FRMD3: variants seen among roughly 807,000 people sequenced by gnomAD.
FRMD3 encodes FERM domain-containing protein 3.
A neutral mutation model predicts 70.2 loss-of-function variants in FRMD3; 33 were observed. That is an observed-to-expected ratio of 0.47 (90% CI 0.36 to 0.63). The LOEUF (loss-of-function observed/expected upper bound fraction) is 0.63. FRMD3 is among the 20% of genes least tolerant of loss of function. The pLI is 0.00. For synonymous variants in FRMD3, 279 were observed against 255.9 expected (o/e 1.09, Z -0.86); for missense variants, 632 against 711.4 (o/e 0.89, Z 1.27).
intron 1 of FRMD3, among the ~76,000 whole-genome samples, chr9:83,402,244 A>G (rs1385720199): frequency 2.0e-5 from 3 of 149,048 alleles, no homozygotes; most frequent in African/African-American, 7.5e-5. Context: ...TTAACGCCCC[A>G]GGAGCCTAAC....
Position 83,244,774 on chromosome 9 carries a change from A to G in FRMD3, c.*3144T>C. The G allele has an allele frequency of 1.0e-6, 1 of 985,364 alleles. No homozygotes were observed. Among genetic ancestry groups the G allele is most frequent in the Non-Finnish European group, 1.2e-6 (1 of 829,838 alleles). 61.0% of individuals were successfully genotyped at this position (985,364 alleles called of 1,614,324 possible). A position where few individuals can be genotyped will look rare whatever the true frequency, so the allele number is the denominator to read the frequency against. ...CCCATATCTCTAGTATTTCAATGAA[A>G]TAAACTCATTGTGAATTCACCCCGA... On this transcript the variant is annotated 3_prime_UTR_variant, in exon 14 of 14. Coordinates refer to ENST00000304195, the MANE Select transcript of FRMD3 (RefSeq NM_174938.6).
intron 1 of FRMD3, among the ~76,000 whole-genome samples, chr9:83,490,343 GC>G (rs33965404): frequency 0.15 from 23,493 of 151,960 alleles, 2,109 homozygotes; most frequent in East Asian, 0.33. Flanking sequence ...AGGGTGGAGT[GC>G]CAATGGCACT....
At chr9:83,432,189 C>T (rs1827001245) in intron 1 of FRMD3, among the ~76,000 whole-genome samples, 1 of 152,224 alleles carries the variant, frequency 6.6e-6, no homozygotes, top group South Asian at 2.1e-4. Context: ...GATGCCTAGC[C>T]TTGTCCCAGG....
chr9:83,572,707 G>C, the FRMD3 span, among the ~76,000 whole-genome samples: 1 of 152,190 alleles, frequency 6.6e-6, no homozygotes, highest in Admixed American at 6.5e-5. Flanking sequence ...TTCCAGCCTG[G>C]TTCAGCAGCA....
intron 10 of FRMD3, 118 bp downstream of exon 10, chr9:83,309,418 A>C: frequency 1.6e-6 from 1 of 634,708 alleles, no homozygotes; most frequent in South Asian, 2.5e-5. Flanking sequence ...ATTTTAATTT[A>C]CTTAAATATA....
At chr9:83,332,041 G>T in intron 6 of FRMD3, 1 of 628,708 alleles carries the variant, frequency 1.6e-6, no homozygotes, top group East Asian at 2.8e-5. Context: ...GACAATGGTG[G>T]GCGGAGCCCC....
chr9:83,491,246 G>A (rs370046540), intron 1 of FRMD3, among the ~76,000 whole-genome samples: 2 of 152,084 alleles, frequency 1.3e-5, no homozygotes, highest in South Asian at 2.1e-4. Context: ...TCAGTAATTC[G>A]TTTTCTGTTC....
At chr9:83,447,093 G>A (rs1039264331) in intron 1 of FRMD3, among the ~76,000 whole-genome samples, 4 of 152,050 alleles carry the variant, frequency 2.6e-5, no homozygotes, top group East Asian at 1.9e-4. Flanking sequence ...GCGCCATCTC[G>A]GCTCACTGCA....
At chr9:83,321,771 G>T (rs1835811444) in intron 6 of FRMD3, among the ~76,000 whole-genome samples, 2 of 152,048 alleles carry the variant, frequency 1.3e-5, no homozygotes, top group African/African-American at 4.8e-5. Flanking sequence ...ACTGTGAGTG[G>T]GGTGTTGAAC....
At chr9:83,581,389 G>C in the FRMD3 span, among the ~76,000 whole-genome samples, 2 of 152,166 alleles carry the variant, frequency 1.3e-5, no homozygotes, top group African/African-American at 4.8e-5. Context: ...TAATCATTGA[G>C]GAAATGCAAA....
At chr9:83,318,928 T>G (rs1484670188) in intron 6 of FRMD3, among the ~76,000 whole-genome samples, 1 of 152,202 alleles carries the variant, frequency 6.6e-6, no homozygotes, top group Non-Finnish European at 1.5e-5. Context: ...TCATGTTTCT[T>G]GGCCACTTGG....
At chr9:83,450,389 G>A (rs1827619816) in intron 1 of FRMD3, among the ~76,000 whole-genome samples, 1 of 134,884 alleles carries the variant, frequency 7.4e-6, no homozygotes, top group Non-Finnish European at 1.6e-5. Flanking sequence ...CTAAGTTTTA[G>A]GGTACATGTG....
At chr9:83,564,634 T>C in the FRMD3 span, among the ~76,000 whole-genome samples, 1 of 152,184 alleles carries the variant, frequency 6.6e-6, no homozygotes, top group South Asian at 2.1e-4. Flanking sequence ...TGTTGTGATG[T>C]GGTCCATGTT....
intron 13 of FRMD3, among the ~76,000 whole-genome samples, chr9:83,284,419 C>T (rs1158815609): frequency 6.6e-6 from 1 of 152,106 alleles, no homozygotes; most frequent in Admixed American, 6.5e-5. Context: ...ACCACCCTGG[C>T]CAACGTGGTG....
At chr9:83,243,545 C>G (rs6559715), downstream of FRMD3, among the ~76,000 whole-genome samples, 104,518 of 152,052 alleles carry the variant, frequency 0.69, 38,766 homozygotes, top group East Asian at 0.96. Context: ...AAGTGGCCAA[C>G]CGCCATTTTG....
chr9:83,504,214 C>G, intron 1 of FRMD3, among the ~76,000 whole-genome samples: 1 of 152,166 alleles, frequency 6.6e-6, no homozygotes, highest in East Asian at 1.9e-4. Flanking sequence ...ACGGAAAGCA[C>G]CACCAATGAC....
chr9:83,260,100 T>A (rs1832915235), intron 13 of FRMD3, among the ~76,000 whole-genome samples: 1 of 152,206 alleles, frequency 6.6e-6, no homozygotes, highest in Non-Finnish European at 1.5e-5. Context: ...TCCAGCATTC[T>A]GTGGCTCCAT....
intron 1 of FRMD3, among the ~76,000 whole-genome samples, chr9:83,473,793 C>T (rs929520242): frequency 1.3e-5 from 2 of 152,214 alleles, no homozygotes; most frequent in African/African-American, 4.8e-5. Flanking sequence ...ATAAATACCA[C>T]AAGGAATGTA....
the FRMD3 span, among the ~76,000 whole-genome samples, chr9:83,566,539 G>C: frequency 6.6e-6 from 1 of 152,130 alleles, no homozygotes; most frequent in African/African-American, 2.4e-5. Flanking sequence ...TCTCATCTGA[G>C]ACAAAGTAAG....
Sources: gnomAD v4.1 joint callset for allele counts (sites outside exome capture counted in the v4.1 genomes callset) on GRCh38, gnomAD v4.1.1 for gene constraint, MANE v1.5 for transcripts, NCBI Gene and HGNC (gene_info 2026-07-23, HGNC 2026-07-21) for gene names.